ANKRD34B: variants seen among roughly 807,000 people sequenced by gnomAD.
The protein encoded by ANKRD34B is ankyrin repeat domain-containing protein 34B.
Under a neutral mutation model 4.4 loss-of-function variants are expected in ANKRD34B, and 2 were observed. The observed-to-expected ratio is 0.46, with a 90% confidence interval of 0.19 to 1.44. The LOEUF is 1.44. Among genes scored for constraint, ANKRD34B ranks in the 40% most tolerant of loss-of-function variants. The pLI is 0.26. For missense variants in ANKRD34B, 558 were observed against 604.7 expected (o/e 0.92, Z 0.81); for synonymous variants, 226 against 227.1 (o/e 0.99, Z 0.05).
At chr5:80,565,317 C>T (rs879592695) in intron 3 of ANKRD34B, among the ~76,000 whole-genome samples, 3 of 152,186 alleles carry the variant, frequency 2.0e-5, no homozygotes, top group African/African-American at 7.2e-5. Flanking sequence ...ACGTTCTTTC[C>T]TCCTTGGAGC....
chr5:80,565,429 T>C (rs1746535887), intron 3 of ANKRD34B, among the ~76,000 whole-genome samples: 1 of 152,228 alleles, frequency 6.6e-6, no homozygotes, highest in Admixed American at 6.5e-5. Context: ...GTACCTTCGA[T>C]ACAGATAATA....
rs1285480765 is a variant in ANKRD34B at position 80,559,567 on chromosome 5, G to A, written c.453C>T (p.Ile151=). The change falls in exon 5 of 5, where the codon ATC becomes ATT. Residue 151 remains isoleucine (I), a synonymous_variant. Transcript: ENST00000338682. ...TCCCACAGGGCAACTTTGCTGTTGT[G>A]ATGATGATGACCTCTTTCCCTTTTG... ...CKAKGKEVII[I]TTAKLPCGKH... 6.2e-7 allele frequency: 1 copy of A among 1,610,942 alleles called. No homozygotes were observed. The highest frequency in any genetic ancestry group is 2.2e-5 in the East Asian group (1 of 44,758).
rs1057479610 is a variant in ANKRD34B at position 80,559,341 on chromosome 5, C to G, written c.679G>C (p.Gly227Arg). The G allele has an allele frequency of 6.2e-7, 1 of 1,614,174 alleles. No homozygotes were observed. Among genetic ancestry groups the G allele is most frequent in the Non-Finnish European group, 8.5e-7 (1 of 1,180,034 alleles). The part of the protein sequence containing the change: ...AGSNDDTWDP[G>R]SPVRKPALAP... ...AATGCAGGTTTCCTCACAGGGGAACCTGGGTCCCAGGTATCATCATTGCTT... is the reference window on the plus strand; with the variant it reads ...AATGCAGGTTTCCTCACAGGGGAACGTGGGTCCCAGGTATCATCATTGCTT... The change falls in exon 5 of 5, where the codon GGT becomes CGT. Residue 227 changes from glycine (G) to arginine (R), a missense_variant. Coordinates refer to ENST00000338682, the MANE Select transcript of ANKRD34B (RefSeq NM_001004441.3).
Position 80,559,475 on chromosome 5 carries a change from G to A in ANKRD34B, c.545C>T (p.Thr182Ile). The A allele has an allele frequency of 6.2e-7, 1 of 1,614,198 alleles. No individual in the cohort carries two copies. Among genetic ancestry groups the A allele is most frequent in the Non-Finnish European group, 8.5e-7 (1 of 1,180,030 alleles). ...VDIDGCHSPA[T>I]CTTPSEIDIK... ...GTCTATTTCTGAAGGAGTGGTGCAG[G>A]TAGCTGGGGAATGACACCCATCTAT... is the stretch of plus-strand genomic sequence containing the variant. The change falls in exon 5 of 5, where the codon ACC becomes ATC. Residue 182 changes from threonine to isoleucine, a missense_variant. Thr to Ile is a moderately conservative substitution (Grantham distance 89). Coordinates refer to ENST00000338682, the MANE Select transcript of ANKRD34B (RefSeq NM_001004441.3).
intron 2 of ANKRD34B, among the ~76,000 whole-genome samples, chr5:80,567,637 G>GA (rs3045875): frequency 2.2e-5 from 2 of 91,716 alleles, no homozygotes; most frequent in African/African-American, 7.2e-5. Flanking sequence ...AAAAAAAAAA[G>GA]AAAAGAAAAG....
chr5:80,559,930 T>C lies in ANKRD34B; in HGVS notation c.90A>G (p.Leu30=). The C allele has an allele frequency of 1.2e-6, 2 of 1,614,172 alleles. No individual in the cohort carries two copies. The highest frequency in any genetic ancestry group is 2.2e-5 in the East Asian group (1 of 44,890). The change falls in exon 5 of 5, where the codon CTA becomes CTG. Residue 30 remains leucine (L), a synonymous_variant. Transcript: ENST00000338682. ...QSRLRLTRLL[L]EGGAYINESN... is the part of the protein sequence containing the mutation. ...TCTCATTAATGTAGGCACCGCCTTC[T>C]AGCAAAAGTCTTGTGAGGCGAAGCC...
chr5:80,566,349 G>A (rs760196181), intron 3 of ANKRD34B, among the ~76,000 whole-genome samples: 3 of 152,204 alleles, frequency 2.0e-5, no homozygotes, highest in Non-Finnish European at 4.4e-5. Context: ...TGAACAGAAC[G>A]ACTGGACCCC....
At chr5:80,560,724 G>C (rs961139027) in intron 4 of ANKRD34B, among the ~76,000 whole-genome samples, 1 of 152,070 alleles carries the variant, frequency 6.6e-6, no homozygotes, top group Non-Finnish European at 1.5e-5. Flanking sequence ...CCAAAATTCT[G>C]TTGTCATTGC....
intron 1 of ANKRD34B, among the ~76,000 whole-genome samples, chr5:80,569,858 G>A (rs1283783503): frequency 2.6e-5 from 4 of 152,220 alleles, no homozygotes; most frequent in Non-Finnish European, 5.9e-5. Flanking sequence ...CAGGAGGCGC[G>A]AGGGTGAGCT....
chr5:80,566,114 T>C (rs1367413811), intron 3 of ANKRD34B, among the ~76,000 whole-genome samples: 2 of 151,912 alleles, frequency 1.3e-5, no homozygotes, highest in African/African-American at 4.8e-5. Flanking sequence ...ACAAAGAAAA[T>C]TGGAGGAGAG....
At chr5:80,562,572 C>T (rs574941738) in intron 4 of ANKRD34B, among the ~76,000 whole-genome samples, 5 of 152,320 alleles carry the variant, frequency 3.3e-5, no homozygotes, top group Admixed American at 2.6e-4. Context: ...CCGGCAGCCA[C>T]GCCCTCAGCC....
intron 4 of ANKRD34B, among the ~76,000 whole-genome samples, chr5:80,562,229 A>G (rs1041574154): frequency 6.6e-6 from 1 of 152,078 alleles, no homozygotes; most frequent in African/African-American, 2.4e-5. Flanking sequence ...ACTCTTTTAT[A>G]TGCAGAATGT....
At position 80,559,702 on chromosome 5, in the gene ANKRD34B, C is replaced by G. The variant is rs1746360495; in HGVS notation, c.318G>C (p.Lys106Asn). 6.2e-7 allele frequency: 1 copy of G among 1,614,080 alleles called. No homozygotes were observed. Among genetic ancestry groups the G allele is most frequent in the Admixed American group, 1.7e-5 (1 of 59,996 alleles). The change falls in exon 5 of 5, where the codon AAG (lysine) becomes AAC (asparagine). Residue 106 changes from lysine to asparagine, a missense_variant. Coordinates refer to ENST00000338682, the MANE Select transcript of ANKRD34B (RefSeq NM_001004441.3). ...CTTGCAAGCTGAGGTCAGCCCCACT[C>G]TTGAGGAGCAAGGAAACAACTTCAG... ...AGPEVVSLLLKSGADLSLQDH... is the reference protein window; with the variant it reads ...AGPEVVSLLLNSGADLSLQDH...
In ANKRD34B at chr5:80,557,786, AAC is replaced by A. The variant is rs1422107152; in HGVS notation, c.*687_*688del. On this transcript the variant is annotated 3_prime_UTR_variant, in exon 5 of 5. Transcript: ENST00000338682. ...TAAAAACCAAAACAAAGCAAAGCAA[AAC>A]ACAGTGCACAAACAACAAGACCCGG... is the stretch of plus-strand genomic sequence containing the variant. 6.6e-6 allele frequency: 1 copy of A among 152,182 alleles called. No individual in the cohort carries two copies. The highest frequency in any genetic ancestry group is 1.5e-5 in the Non-Finnish European group (1 of 68,028). 9.4% of individuals were successfully genotyped at this position (152,182 alleles called of 1,614,324 possible).
rs776672611 is a variant in ANKRD34B, at chr5:80,558,766, G to C, written c.1254C>G (p.Pro418=). ...KELLENIPPG[P]LSRRNHAVLE... ...AAACTGCATGATTTCTCCTGCTCAG[G>C]GGACCTGGGGGGATATTCTCCAACA... is the stretch of plus-strand genomic sequence containing the variant. Residue 418 remains proline, a synonymous_variant, in exon 5 of 5, where the codon CCC becomes CCG. Transcript: ENST00000338682. 6.8e-6 allele frequency: 11 copies of C among 1,614,052 alleles called. No individual in the cohort carries two copies. Among genetic ancestry groups the C allele is most frequent in the African/African-American group, 1.3e-5 (1 of 74,910 alleles).
intron 3 of ANKRD34B, among the ~76,000 whole-genome samples, chr5:80,564,033 T>C (rs1746488004): frequency 6.6e-6 from 1 of 152,164 alleles, no homozygotes; most frequent in Non-Finnish European, 1.5e-5. Context: ...AAACAGATAT[T>C]CAAATGAGAA....
rs1004055389 is a variant in ANKRD34B at position 80,562,390 on chromosome 5, C to T, written c.-24+1345G>A. Among the ~76,000 whole-genome samples the T allele has an allele frequency of 2.6e-5, 4 of 152,104 alleles. No homozygotes were observed. The South Asian group carries it at 8.3e-4, about 32-fold the overall frequency. On this transcript the variant is annotated intron_variant, in intron 4 of 4. Transcript: ENST00000338682. ...CTAGGAGATAGAAGACTACCCCTCC[C>T]GCTCTCTGGGATGTCTAGAGGTTTA...
At chr5:80,560,278 C>T (rs1158729633) in intron 4 of ANKRD34B, among the ~76,000 whole-genome samples, 3 of 152,034 alleles carry the variant, frequency 2.0e-5, no homozygotes, top group Admixed American at 6.6e-5. Flanking sequence ...ATATTTATAG[C>T]ACCAAAATAG....
In ANKRD34B at chr5:80,557,975, T is replaced by C. The variant is rs1344501398; in HGVS notation, c.*500A>G. 1 of 152,468 alleles carries C rather than the reference T, an allele frequency of 6.6e-6. No individual in the cohort carries two copies. The highest frequency in any genetic ancestry group is 2.4e-5 in the African/African-American group (1 of 41,450). 9.4% of individuals were successfully genotyped at this position (152,468 alleles called of 1,614,324 possible). ...CAGTCAACATTTGTAAAGAATTAGT[T>C]CATTCTTTCTTTGTAGCTCGAGTTT... is the stretch of plus-strand genomic sequence containing the variant. On this transcript the variant is annotated 3_prime_UTR_variant, in exon 5 of 5. Transcript: ENST00000338682.
Sources: allele counts gnomAD v4.1 joint callset (sites outside exome capture counted in the v4.1 genomes callset), GRCh38; gene constraint gnomAD v4.1.1; transcripts MANE v1.5; gene names NCBI Gene and HGNC (gene_info 2026-07-23, HGNC 2026-07-21).